The following ECT2L variants were observed in gnomAD, a reference collection of about 807,000 sequenced individuals.
ECT2L encodes epithelial cell-transforming sequence 2 oncogene-like.
In ECT2L, 126 loss-of-function variants were observed where a neutral mutation model predicts 122.8. The observed-to-expected ratio is 1.03, with a 90% CI of 0.89 to 1.19. ECT2L has a LOEUF of 1.19. Among genes scored for constraint, ECT2L ranks in the 50% most tolerant of loss-of-function variants. ECT2L has a pLI of 0.00. For missense variants in ECT2L, 1,012 were observed against 1,064.1 expected, an observed-to-expected ratio of 0.95 and a Z score of 0.68; for synonymous variants, 385 against 381.8, an observed-to-expected ratio of 1.01 and a Z score of -0.10.
Position 138,850,199 on chromosome 6 carries a change from G to A in ECT2L, c.1069+765G>A, listed in dbSNP as rs137974155. ...CTTGTCGCCCAGGCTGGAGTGCAGC[G>A]GCACAATCTCAGCTCACTGCAACCT... On this transcript the variant is annotated intron_variant, in intron 9 of 21. Transcript: ENST00000541398. Among the ~76,000 whole-genome samples, 494 of 151,998 alleles carry A rather than the reference G, an allele frequency of 3.3e-3. 1 individual carries two copies. The highest frequency in any genetic ancestry group is 0.011 in the African/African-American group (468 of 41,458).
At chr6:138,834,562 C>A (rs918368370) in intron 4 of ECT2L, among the ~76,000 whole-genome samples, 2 of 152,046 alleles carry the variant, frequency 1.3e-5, no homozygotes, top group South Asian at 4.1e-4. Context: ...ATACTGAGAC[C>A]CTTCTTTGGA....
At position 138,869,851 on chromosome 6, in the gene ECT2L, C is replaced by T. The variant is rs545376800; in HGVS notation, c.1578+1645C>T. Among the ~76,000 whole-genome samples the T allele has an allele frequency of 3.3e-5, 5 of 152,276 alleles. No individual in the cohort carries two copies. In the East Asian group the frequency reaches 9.6e-4, roughly 29 times the overall value. The stretch of plus-strand genomic sequence containing the variant: ...AAAGACAACAAGATCCTTCCTGTCC[C>T]GTTTCCTCATTTGGCCAAGGGGTTG... On this transcript the variant is annotated intron_variant, in intron 13 of 21. Transcript: ENST00000541398.
At chr6:138,823,646 A>G (rs1484564292) in intron 4 of ECT2L, 2 of 1,424,870 alleles carry the variant, frequency 1.4e-6, no homozygotes, top group Admixed American at 4.6e-5. Context: ...GCCTCAACCC[A>G]ATCCTTTATG....
intron 18 of ECT2L, among the ~76,000 whole-genome samples, chr6:138,886,073 A>G (rs1016562931): frequency 6.6e-6 from 1 of 152,176 alleles, no homozygotes; most frequent in Non-Finnish European, 1.5e-5. Flanking sequence ...AATTTTTATG[A>G]AAGTTTGAAG....
intron 20 of ECT2L, among the ~76,000 whole-genome samples, chr6:138,895,685 C>G (rs1305409011): frequency 6.6e-6 from 1 of 152,048 alleles, no homozygotes; most frequent in African/African-American, 2.4e-5. Flanking sequence ...ATTCTCATGC[C>G]TCAGCCTCCC....
intron 20 of ECT2L, among the ~76,000 whole-genome samples, chr6:138,900,341 G>A (rs1056644869): frequency 6.6e-6 from 1 of 151,988 alleles, no homozygotes; most frequent in Non-Finnish European, 1.5e-5. Flanking sequence ...CTGACTCCCA[G>A]GTTCAAGTGA....
intron 9 of ECT2L, 22 bp from the exon 10 acceptor site, chr6:138,854,004 C>A: frequency 6.2e-7 from 1 of 1,609,464 alleles, no homozygotes. Context: ...GCTAATATGA[C>A]ATTTTGATTT....
Position 138,849,311 on chromosome 6 carries a change from T to C in ECT2L, c.946T>C (p.Tyr316His), listed in dbSNP as rs1488561548. The change falls in exon 9 of 22, where the codon TAT (tyrosine) becomes CAT (histidine). Residue 316 changes from tyrosine to histidine, a missense_variant. Transcript: ENST00000541398. ...SVKAGVVSVV[Y>H]EHSVTLESLL... Reference sequence around the variant, plus strand: ...GAAGGCTGGTGTTGTTTCTGTGGTATATGAACACAGCGTAACCTTGGAAAG... The same window carrying C: ...GAAGGCTGGTGTTGTTTCTGTGGTACATGAACACAGCGTAACCTTGGAAAG... The C allele has an allele frequency of 6.2e-7, 1 of 1,614,034 alleles. No individual in the cohort carries two copies.
chr6:138,867,806 G>A (rs1231193820), intron 12 of ECT2L, among the ~76,000 whole-genome samples: 2 of 151,604 alleles, frequency 1.3e-5, no homozygotes, highest in East Asian at 1.9e-4. Flanking sequence ...TCCAGCCTGG[G>A]TGACAAGAGC....
intron 10 of ECT2L, among the ~76,000 whole-genome samples, chr6:138,861,056 A>C (rs1336793480): frequency 6.6e-6 from 1 of 151,978 alleles, no homozygotes; most frequent in Non-Finnish European, 1.5e-5. Flanking sequence ...AAGGACATGA[A>C]CTCATTCTTT....
In ECT2L at chr6:138,891,695, C is replaced by T. The variant is rs114745137; in HGVS notation, c.2414+2664C>T. Among the ~76,000 whole-genome samples the T allele has an allele frequency of 7.6e-3, 1,151 of 152,270 alleles. 9 individuals are homozygous for T. The highest frequency in any genetic ancestry group is 0.026 in the African/African-American group (1,065 of 41,550). On this transcript the variant is annotated intron_variant, in intron 20 of 21. Transcript: ENST00000541398. ...TGATGTTTGCCTGTAACTTCTATCC[C>T]CGTAAAATGTATAAAATCAAGCTGT...
In ECT2L at chr6:138,812,978, G is replaced by A. The variant is rs537835684; in HGVS notation, c.-104+1G>A. The A allele has an allele frequency of 2.9e-5, 8 of 274,542 alleles. No homozygotes were observed. Among genetic ancestry groups the A allele is most frequent in the Non-Finnish European group, 4.7e-5 (7 of 148,898 alleles). 17.0% of individuals were successfully genotyped at this position (274,542 alleles called of 1,614,324 possible). Reference sequence around the variant, plus strand: ...TAAATTCAGATTTGGGTGAAAGCAGGTAAGAATAGAATAATTGCAATGATT... The same window carrying A: ...TAAATTCAGATTTGGGTGAAAGCAGATAAGAATAGAATAATTGCAATGATT... On this transcript the variant is annotated splice_donor_variant, in intron 2 of 21. Coordinates refer to ENST00000541398, the MANE Select transcript of ECT2L (RefSeq NM_001077706.3). LOFTEE classifies it low-confidence loss of function (5UTR_SPLICE).
intron 9 of ECT2L, 99 bp from the exon 10 acceptor site, chr6:138,853,927 G>T (rs1443035682): frequency 7.3e-7 from 1 of 1,366,726 alleles, no homozygotes; most frequent in Non-Finnish European, 1.0e-6. Flanking sequence ...GCAGGCAGAT[G>T]GCATTTTGAT....
At chr6:138,800,484 A>C (rs1421092558) in intron 1 of ECT2L, among the ~76,000 whole-genome samples, 1 of 152,212 alleles carries the variant, frequency 6.6e-6, no homozygotes, top group Non-Finnish European at 1.5e-5. Flanking sequence ...TTGCCCCAGA[A>C]TGAATTCTTA....
intron 20 of ECT2L, 45 bp from the exon 21 acceptor site, chr6:138,900,903 A>G (rs1229008542): frequency 6.4e-7 from 1 of 1,574,284 alleles, no homozygotes; most frequent in South Asian, 1.2e-5. Context: ...GTAACAAAGC[A>G]TGTATGTTAT....
intron 10 of ECT2L, among the ~76,000 whole-genome samples, chr6:138,861,404 T>G (rs1258860747): frequency 6.6e-6 from 1 of 152,224 alleles, no homozygotes; most frequent in South Asian, 2.1e-4. Flanking sequence ...TTTCCTGACT[T>G]TTTAATAAAT....
chr6:138,807,576 A>G (rs1775754242), intron 1 of ECT2L, among the ~76,000 whole-genome samples: 1 of 152,216 alleles, frequency 6.6e-6, no homozygotes, highest in South Asian at 2.1e-4. Flanking sequence ...CCAGTCCCAA[A>G]GCCAGTATCA....
chr6:138,866,417 A>T (rs574829105), intron 12 of ECT2L, among the ~76,000 whole-genome samples: 2 of 152,172 alleles, frequency 1.3e-5, no homozygotes, highest in South Asian at 4.1e-4. Context: ...CGCCCGGCTA[A>T]TTTTTGCATT....
chr6:138,831,501 T>C (rs975805018), intron 4 of ECT2L, among the ~76,000 whole-genome samples: 6 of 152,208 alleles, frequency 3.9e-5, no homozygotes, highest in African/African-American at 1.4e-4. Flanking sequence ...GCCTTTGCCC[T>C]TGACATTGCC....
Sources: gnomAD v4.1 joint callset for allele counts (sites outside exome capture counted in the v4.1 genomes callset) on GRCh38, gnomAD v4.1.1 for gene constraint, MANE v1.5 for transcripts, NCBI Gene and HGNC (gene_info 2026-07-23, HGNC 2026-07-21) for gene names.